The following SFMBT1 variants were observed in gnomAD, a reference collection of about 807,000 sequenced individuals.
SFMBT1 encodes Scm like with four mbt domains 1.
In SFMBT1, 32 loss-of-function variants were observed where a neutral mutation model predicts 108.7. The observed-to-expected ratio is 0.29, with a 90% confidence interval of 0.22 to 0.40. The LOEUF is 0.40. Among genes scored for constraint, SFMBT1 ranks in the 10% least tolerant of loss-of-function variants. The probability of loss-of-function intolerance (pLI) is 1.00; values close to 1 mark genes in which losing one functional copy is unlikely to be tolerated. For missense variants in SFMBT1, 816 were observed against 1,059.6 expected (o/e 0.77, Z 3.19); for synonymous variants, 348 against 369.5 (o/e 0.94, Z 0.67).
At chr3:52,908,003 C>G (rs751648408) in intron 17 of SFMBT1, among the ~76,000 whole-genome samples, 1 of 151,650 alleles carries the variant, frequency 6.6e-6, no homozygotes, top group African/African-American at 2.4e-5. Context: ...AGCCACTATT[C>G]TAAACACTAT....
At chr3:52,913,253 C>T (rs903256474) in intron 15 of SFMBT1, among the ~76,000 whole-genome samples, 1 of 152,014 alleles carries the variant, frequency 6.6e-6, no homozygotes, top group African/African-American at 2.4e-5. Context: ...GACCTTTCTA[C>T]CCTGACAGAG....
chr3:52,943,673 T>C, intron 3 of SFMBT1, 80 bp from the exon 4 acceptor site: 1 of 1,573,088 alleles, frequency 6.4e-7, no homozygotes, highest in Middle Eastern at 1.7e-4. Context: ...TTTTAAGACT[T>C]ACAATTCCGA....
At chr3:52,905,363 C>A in intron 20 of SFMBT1, 87 bp from the exon 21 acceptor site, 1 of 1,379,056 alleles carries the variant, frequency 7.3e-7, no homozygotes, top group South Asian at 1.4e-5. Context: ...TTAGCTCTGT[C>A]AAAACTGGAA....
chr3:52,966,765 C>T (rs2106855335), intron 2 of SFMBT1, among the ~76,000 whole-genome samples: 1 of 151,396 alleles, frequency 6.6e-6, no homozygotes, highest in South Asian at 2.1e-4. Flanking sequence ...AATAAATTTT[C>T]CTTCTCTCAA....
chr3:52,956,954 A>G (rs759670245), intron 2 of SFMBT1, among the ~76,000 whole-genome samples: 3 of 152,124 alleles, frequency 2.0e-5, no homozygotes, highest in African/African-American at 7.2e-5. Flanking sequence ...TATTAAACAT[A>G]GTATTGGAAG....
At chr3:53,043,132 T>TTACA (rs2106982126) in intron 1 of SFMBT1, 1 of 152,306 alleles carries the variant, frequency 6.6e-6, no homozygotes, top group South Asian at 2.1e-4. Flanking sequence ...AAGAATTCAC[T>TTACA]TACAACATCT....
chr3:52,934,893 C>G lies in SFMBT1; in HGVS notation c.373G>C (p.Asp125His). The G allele has an allele frequency of 6.2e-7, 1 of 1,612,600 alleles. No individual in the cohort carries two copies. The highest frequency in any genetic ancestry group is 1.1e-5 in the South Asian group (1 of 90,680). Residue 125 changes from aspartate (D) to histidine (H), a missense_variant, in exon 5 of 21, where the codon GAT (aspartate) becomes CAT (histidine). This residue lies in a region of SFMBT1 where 495 missense variants were observed against 607.4 expected (regional missense o/e 0.81). Coordinates refer to ENST00000394752, the MANE Select transcript of SFMBT1 (RefSeq NM_016329.4). Reference protein sequence around the residue: ...KTLEAPEGIRDKVSDWDEFLR... With the variant: ...KTLEAPEGIRHKVSDWDEFLR... The stretch of plus-strand genomic sequence containing the variant: ...AACTCATCCCAGTCAGATACTTTAT[C>G]TCTGATGCCTAGATGAGGGAATAAA...
chr3:52,973,777 T>C (rs1429099856), intron 1 of SFMBT1, among the ~76,000 whole-genome samples: 1 of 152,158 alleles, frequency 6.6e-6, no homozygotes, highest in Non-Finnish European at 1.5e-5. Context: ...ATTACAGGCA[T>C]GAGCTACCAT....
chr3:53,007,846 C>A (rs1698800197), intron 1 of SFMBT1, among the ~76,000 whole-genome samples: 1 of 152,074 alleles, frequency 6.6e-6, no homozygotes, highest in South Asian at 2.1e-4. Flanking sequence ...GGCAATGAGA[C>A]ATAACATCAT....
Position 52,905,099 on chromosome 3 carries a change from T to G in SFMBT1, c.*37A>C. On this transcript the variant is annotated 3_prime_UTR_variant, in exon 21 of 21. Transcript: ENST00000394752. ...AGCAGGGTGAAGGATTTGCTGCATT[T>G]GTGCTTCAAAGATCCAGCTCACTTT... 1 of 1,609,096 alleles carries G rather than the reference T, an allele frequency of 6.2e-7. No homozygotes were observed. Among genetic ancestry groups the G allele is most frequent in the Non-Finnish European group, 8.5e-7 (1 of 1,177,454 alleles).
intron 1 of SFMBT1, among the ~76,000 whole-genome samples, chr3:53,026,601 T>C (rs1160510469): frequency 1.3e-5 from 2 of 152,156 alleles, no homozygotes; most frequent in Non-Finnish European, 2.9e-5. Context: ...CCTCCCTCCC[T>C]GTGCCCCCAC....
intron 1 of SFMBT1, among the ~76,000 whole-genome samples, chr3:52,975,651 G>C (rs1328571020): frequency 1.3e-5 from 2 of 152,184 alleles, no homozygotes; most frequent in Non-Finnish European, 1.5e-5. Flanking sequence ...ACCCAGGCTG[G>C]AATGTAGTGG....
At chr3:52,982,746 A>AAAAAAAAG (rs1704758517) in intron 1 of SFMBT1, among the ~76,000 whole-genome samples, 1 of 149,006 alleles carries the variant, frequency 6.7e-6, no homozygotes. Context: ...AAAAAAAAAA[A>AAAAAAAAG]AAAAAAAGAT....
chr3:53,039,919 A>G (rs1456042977), intron 1 of SFMBT1, among the ~76,000 whole-genome samples: 1 of 152,232 alleles, frequency 6.6e-6, no homozygotes, highest in Non-Finnish European at 1.5e-5. Context: ...CTCATTATAT[A>G]TCACTATGTT....
At chr3:52,955,826 T>C (rs560983630) in intron 2 of SFMBT1, among the ~76,000 whole-genome samples, 1 of 152,186 alleles carries the variant, frequency 6.6e-6, no homozygotes, top group Non-Finnish European at 1.5e-5. Flanking sequence ...AAACTGAAAA[T>C]GAGGCACTCC....
intron 3 of SFMBT1, among the ~76,000 whole-genome samples, chr3:52,946,976 T>C (rs1703388368): frequency 6.6e-6 from 1 of 152,028 alleles, no homozygotes. Flanking sequence ...TTCACCATAT[T>C]GGCCAGGCTG....
At chr3:52,953,670 A>T (rs1332758932) in intron 3 of SFMBT1, among the ~76,000 whole-genome samples, 1 of 152,176 alleles carries the variant, frequency 6.6e-6, no homozygotes, top group African/African-American at 2.4e-5. Context: ...TGCTATTGAA[A>T]TTACTTTCAA....
At chr3:52,951,140 C>CAGAAAAAAA (rs1703575419) in intron 3 of SFMBT1, among the ~76,000 whole-genome samples, 1 of 83,166 alleles carries the variant, frequency 1.2e-5, no homozygotes, top group African/African-American at 4.4e-5. Context: ...AAAGAAAAAT[C>CAGAAAAAAA]CAAGGTTTTC....
rs1275186465 is a variant in SFMBT1 at position 52,907,615 on chromosome 3, A to G, written c.2025T>C (p.Phe675=). 8 of 1,614,052 alleles carry G rather than the reference A, an allele frequency of 5.0e-6. No homozygotes were observed. The highest frequency in any genetic ancestry group is 5.9e-6 in the Non-Finnish European group (7 of 1,180,034). Residue 675 remains phenylalanine, a synonymous_variant, in exon 18 of 21, where the codon TTT becomes TTC. Coordinates refer to ENST00000394752, the MANE Select transcript of SFMBT1 (RefSeq NM_016329.4). ...CAGAGGAGCGTTTCTTCTTATGAAC[A>G]AAAACATTTTTCCGCCTCTTTCTCC... is the stretch of plus-strand genomic sequence containing the variant. ...SKRRKRRKNV[F]VHKKKRSSAS...
Sources: allele counts gnomAD v4.1 joint callset (sites outside exome capture counted in the v4.1 genomes callset), GRCh38; gene constraint gnomAD v4.1.1; regional missense constraint gnomAD v4.1.1; transcripts MANE v1.5; gene names NCBI Gene and HGNC (gene_info 2026-07-23, HGNC 2026-07-21).